Variants in NTNG1 observed in about 807,000 individuals in gnomAD.
NTNG1 encodes the protein netrin G1, also known as netrin-G1.
Under a neutral mutation model 54.0 loss-of-function variants are expected in NTNG1, and 16 were observed. That is an observed-to-expected ratio of 0.30 (90% CI 0.20 to 0.45). The LOEUF is 0.45. Ranked by LOEUF, NTNG1 falls within the 20% of genes least tolerant of loss-of-function variation. The pLI, the probability that NTNG1 is intolerant of heterozygous loss-of-function variation, is 1.00. For missense variants in NTNG1, 530 were observed against 678.7 expected (o/e 0.78, Z 2.43); for synonymous variants, 255 against 263.1 (o/e 0.97, Z 0.30).
intron 5 of NTNG1, among the ~76,000 whole-genome samples, chr1:107,429,912 CT>C (rs1437487063): frequency 6.6e-6 from 1 of 152,124 alleles, no homozygotes; most frequent in East Asian, 1.9e-4. Context: ...TCTTCTTCAT[CT>C]CCCTGTCTAG....
At chr1:107,349,997 A>G (rs1669505175) in intron 3 of NTNG1, among the ~76,000 whole-genome samples, 1 of 152,166 alleles carries the variant, frequency 6.6e-6, no homozygotes, top group Non-Finnish European at 1.5e-5. Context: ...CTTTTCTTCC[A>G]AAGTGTTGTA....
rs1674537379 is a variant in NTNG1 at position 107,421,003 on chromosome 1, G to C, written c.1088-9747G>C. 4.2e-6 allele frequency: 4 copies of C among 941,310 alleles called. No individual in the cohort carries two copies. In the Admixed American group the frequency reaches 8.0e-5, roughly 19 times the overall value. The allele number at this position is 941,310 out of a possible 1,614,324, so 58.3% of individuals were successfully genotyped here. A position where few individuals can be genotyped will look rare whatever the true frequency, so the allele number is the denominator to read the frequency against. ...CTCTTAATTTAGGGCTACTTTTCAA[G>C]TGGGTTGGTGATAAGTTATTACAGT... is the stretch of plus-strand genomic sequence containing the variant. On this transcript the variant is annotated intron_variant, in intron 5 of 7. Coordinates refer to ENST00000370068, the MANE Select transcript of NTNG1 (RefSeq NM_001113226.3).
intron 2 of NTNG1, among the ~76,000 whole-genome samples, chr1:107,312,807 C>T (rs1322895462): frequency 1.3e-5 from 2 of 152,086 alleles, no homozygotes; most frequent in African/African-American, 4.8e-5. Context: ...AAGATGATAA[C>T]AAATTCACTT....
At chr1:107,361,366 TATATATAC>T (rs1256729563) in intron 3 of NTNG1, among the ~76,000 whole-genome samples, 2 of 31,220 alleles carry the variant, frequency 6.4e-5, no homozygotes, top group East Asian at 1.0e-3. Flanking sequence ...ATAACATATA[TATATATAC>T]ATATATATAT....
intron 3 of NTNG1, among the ~76,000 whole-genome samples, chr1:107,365,477 A>C (rs933057370): frequency 1.3e-5 from 2 of 152,338 alleles, no homozygotes; most frequent in Non-Finnish European, 2.9e-5. Flanking sequence ...GATAATAAAA[A>C]AAATTGTACA....
intron 3 of NTNG1, among the ~76,000 whole-genome samples, chr1:107,373,135 T>C (rs1671027888): frequency 6.6e-6 from 1 of 152,178 alleles, no homozygotes; most frequent in Admixed American, 6.5e-5. Flanking sequence ...TATTTTCTAC[T>C]TGTCCCATTC....
chr1:107,160,442 C>T (rs1467725481), intron 2 of NTNG1, among the ~76,000 whole-genome samples: 3 of 152,132 alleles, frequency 2.0e-5, no homozygotes, highest in African/African-American at 4.8e-5. Context: ...GCTAGACTCC[C>T]GCAGTATCTC....
At chr1:107,303,632 T>C (rs975083146) in intron 2 of NTNG1, among the ~76,000 whole-genome samples, 1 of 152,160 alleles carries the variant, frequency 6.6e-6, no homozygotes, top group Non-Finnish European at 1.5e-5. Flanking sequence ...TAAACTACTA[T>C]CCCATTTTCC....
intron 7 of NTNG1, among the ~76,000 whole-genome samples, chr1:107,452,799 C>T (rs750210814): frequency 2.0e-5 from 3 of 152,146 alleles, no homozygotes; most frequent in Non-Finnish European, 1.5e-5. Context: ...GCCTGGAGAA[C>T]CATAAGCTAA....
chr1:107,457,051 G>C (rs776817429), intron 7 of NTNG1, among the ~76,000 whole-genome samples: 1 of 152,152 alleles, frequency 6.6e-6, no homozygotes, highest in African/African-American at 2.4e-5. Context: ...AGTACAACTA[G>C]GTTATATTAT....
chr1:107,150,777 A>G (rs1654508058), intron 2 of NTNG1, among the ~76,000 whole-genome samples: 1 of 152,124 alleles, frequency 6.6e-6, no homozygotes, highest in South Asian at 2.1e-4. Context: ...TCCTCCCATC[A>G]TGAGTGCAAA....
intron 7 of NTNG1, among the ~76,000 whole-genome samples, chr1:107,472,571 A>G (rs1366479654): frequency 6.6e-6 from 1 of 152,166 alleles, no homozygotes; most frequent in African/African-American, 2.4e-5. Context: ...GTTGCATAGT[A>G]TGTCCAAGGC....
chr1:107,286,466 T>C (rs1285598406), intron 2 of NTNG1, among the ~76,000 whole-genome samples: 3 of 152,184 alleles, frequency 2.0e-5, no homozygotes, highest in Non-Finnish European at 4.4e-5. Context: ...CAGGATCTTG[T>C]AGAGAGTACC....
intron 2 of NTNG1, among the ~76,000 whole-genome samples, chr1:107,319,199 C>A (rs2101862022): frequency 6.6e-6 from 1 of 152,252 alleles, no homozygotes; most frequent in African/African-American, 2.4e-5. Context: ...AGAAAAGTCA[C>A]AAAGAAGGGG....
chr1:107,358,995 T>C (rs1670105414), intron 3 of NTNG1, among the ~76,000 whole-genome samples: 1 of 152,204 alleles, frequency 6.6e-6, no homozygotes, highest in Non-Finnish European at 1.5e-5. Flanking sequence ...TAAAGTTCTA[T>C]TGAAAATGCG....
intron 5 of NTNG1, among the ~76,000 whole-genome samples, chr1:107,414,623 T>C (rs1674073101): frequency 1.3e-5 from 2 of 152,214 alleles, no homozygotes; most frequent in East Asian, 1.9e-4. Flanking sequence ...CTGAAAAAAA[T>C]AGGGGAAGAC....
intron 2 of NTNG1, among the ~76,000 whole-genome samples, chr1:107,311,317 T>C (rs1329422595): frequency 6.6e-6 from 1 of 152,072 alleles, no homozygotes. Flanking sequence ...TAAGGCAAGA[T>C]AGGATTAGGG....
chr1:107,419,224 C>T (rs534154209), intron 5 of NTNG1, among the ~76,000 whole-genome samples: 10 of 145,052 alleles, frequency 6.9e-5, no homozygotes, highest in South Asian at 2.3e-4. Flanking sequence ...TCCCTCTCCC[C>T]GCTACCTCCT....
intron 7 of NTNG1, among the ~76,000 whole-genome samples, chr1:107,454,953 A>T (rs1676847159): frequency 6.6e-6 from 1 of 152,232 alleles, no homozygotes; most frequent in African/African-American, 2.4e-5. Flanking sequence ...TTCATCGTTC[A>T]GGTGCTACGT....
Sources: allele counts gnomAD v4.1 joint callset (sites outside exome capture counted in the v4.1 genomes callset), GRCh38; gene constraint gnomAD v4.1.1; transcripts MANE v1.5; gene names NCBI Gene and HGNC (gene_info 2026-07-23, HGNC 2026-07-21).